The following ARCN1 variants were observed in gnomAD, a reference collection of about 807,000 sequenced individuals.
ARCN1 encodes coatomer subunit delta.
In ARCN1, 5 loss-of-function variants were observed where a neutral mutation model predicts 60.4. The observed-to-expected ratio is 0.08, with a 90% CI of 0.04 to 0.17. The LOEUF (loss-of-function observed/expected upper bound fraction) is 0.17, where lower values mean the gene tolerates loss of function less well. Among genes scored for constraint, ARCN1 ranks in the 10% least tolerant of loss-of-function variants. The probability of loss-of-function intolerance (pLI) is 1.00; values close to 1 mark genes in which losing one functional copy is unlikely to be tolerated. For synonymous variants in ARCN1, 224 were observed against 220.0 expected, an observed-to-expected ratio of 1.02 and a Z score of -0.16; for missense variants, 464 against 626.5, an observed-to-expected ratio of 0.74 and a Z score of 2.77.
intron 1 of ARCN1, among the ~76,000 whole-genome samples, chr11:118,577,232 GTTTC>G (rs746295602): frequency 1.3e-3 from 199 of 151,732 alleles, no homozygotes; most frequent in African/African-American, 4.3e-3. Context: ...TCTAAATTCT[GTTTC>G]TTTCTTTCTT....
chr11:118,578,609 C>T (rs1938577140), intron 1 of ARCN1, among the ~76,000 whole-genome samples: 1 of 152,174 alleles, frequency 6.6e-6, no homozygotes, highest in African/African-American at 2.4e-5. Context: ...TAATATTTCT[C>T]ATCGCATGAG....
intron 2 of ARCN1, among the ~76,000 whole-genome samples, chr11:118,581,854 CT>C (rs1720398498): frequency 6.6e-6 from 1 of 150,964 alleles, no homozygotes; most frequent in Non-Finnish European, 1.5e-5. Context: ...ACACACACCC[CT>C]CTTCTAAGAC....
At chr11:118,583,742 G>T (rs1185106706) in intron 3 of ARCN1, 67 bp from the exon 4 acceptor site, 1 of 1,513,102 alleles carries the variant, frequency 6.6e-7, no homozygotes, top group South Asian at 1.2e-5. Flanking sequence ...CTGGGTCACA[G>T]AGTGAGACCC....
chr11:118,577,926 C>T lies in ARCN1; in HGVS notation c.4-3320C>T, dbSNP rs142935622. Among the ~76,000 whole-genome samples, 1,058 of 152,148 alleles carry T rather than the reference C, an allele frequency of 7.0e-3. 10 individuals are homozygous for T. The highest frequency in any genetic ancestry group is 0.022 in the African/African-American group (934 of 41,516). On this transcript the variant is annotated intron_variant, in intron 1 of 9. Transcript: ENST00000264028. ...AATCCCAACACTTTGGAGGCCAAGG[C>T]GCGCAGATGACTTGAGGCCAGGAGT...
At position 118,590,457 on chromosome 11, in the gene ARCN1, G is replaced by A. The variant is rs138250193; in HGVS notation, c.935G>A (p.Arg312Gln). ...AGGATCTCAGATGACAAGTATGGCC[G>A]AATTCGTCTTCATGTGGAAAATGAA... Reference protein sequence around the residue: ...MLRISDDKYGRIRLHVENEDK... With the variant: ...MLRISDDKYGQIRLHVENEDK... Residue 312 changes from arginine (R) to glutamine (Q), a missense_variant, in exon 6 of 10, where the codon CGA becomes CAA. Coordinates refer to ENST00000264028, the MANE Select transcript of ARCN1 (RefSeq NM_001655.5). The A allele has an allele frequency of 9.4e-4, 1,525 of 1,614,150 alleles. 4 individuals carry two copies. Among genetic ancestry groups the A allele is most frequent in the East Asian group, 9.0e-3 (402 of 44,882 alleles).
rs1459212881 is a variant in ARCN1 at position 118,602,091 on chromosome 11, A to C, written c.*1377A>C. Reference sequence around the variant, plus strand: ...TCTTTGCCAATCCTGTTGGCCCTAAACTATCAAGGAGGCTCCATTTCACCA... The same window carrying C: ...TCTTTGCCAATCCTGTTGGCCCTAACCTATCAAGGAGGCTCCATTTCACCA... On this transcript the variant is annotated 3_prime_UTR_variant, in exon 10 of 10. Transcript: ENST00000264028. 2 of 235,728 alleles carry C rather than the reference A, an allele frequency of 8.5e-6. No individual in the cohort carries two copies. Among genetic ancestry groups the C allele is most frequent in the Non-Finnish European group, 1.7e-5 (2 of 119,978 alleles). 14.6% of individuals were successfully genotyped at this position (235,728 alleles called of 1,614,324 possible).
chr11:118,581,349 T>C lies in ARCN1; in HGVS notation c.107T>C (p.Phe36Ser), dbSNP rs782724596. ...CGGATTGAGGGCTTATTAGCAGCTT[T>C]TCCAAAGCTCATGAACACTGGAAAA... is the stretch of plus-strand genomic sequence containing the variant. ...RTRIEGLLAA[F>S]PKLMNTGKQH... Residue 36 changes from phenylalanine (F) to serine (S), a missense_variant, in exon 2 of 10, where the codon TTT (phenylalanine) becomes TCT (serine). By Grantham distance (155) the Phe-to-Ser change is radical. Coordinates refer to ENST00000264028, the MANE Select transcript of ARCN1 (RefSeq NM_001655.5). 3.7e-6 allele frequency: 6 copies of C among 1,614,218 alleles called. No individual in the cohort carries two copies. The highest frequency in any genetic ancestry group is 5.1e-6 in the Non-Finnish European group (6 of 1,180,050).
intron 2 of ARCN1, among the ~76,000 whole-genome samples, chr11:118,582,143 CT>C (rs1276325016): frequency 2.7e-5 from 4 of 149,084 alleles, no homozygotes; most frequent in South Asian, 2.1e-4. Flanking sequence ...GACCCTGATT[CT>C]TTTTTTTTTA....
rs1555073384 is a variant in ARCN1, at chr11:118,575,574, T to C, written c.3+3024T>C. 1.3e-5 allele frequency among the ~76,000 whole-genome samples: 2 copies of C among 152,204 alleles called. 1 individual carries two copies. Among genetic ancestry groups the C allele is most frequent in the African/African-American group, 4.8e-5 (2 of 41,454 alleles). The stretch of plus-strand genomic sequence containing the variant: ...GTAATCTTCTCTCTGATTTTATCTA[T>C]AATAGCTTCATATAAATAGAAAAGA... On this transcript the variant is annotated intron_variant, in intron 1 of 9. Transcript: ENST00000264028.
chr11:118,576,440 A>AAC (rs1555073646), intron 1 of ARCN1, among the ~76,000 whole-genome samples: 5 of 147,198 alleles, frequency 3.4e-5, no homozygotes, highest in East Asian at 4.7e-4. Context: ...AAAAAAAAAA[A>AAC]AAAAAAAAAC....
At chr11:118,597,659 A>G (rs1276927746) in intron 8 of ARCN1, 48 bp from the exon 9 acceptor site, 17 of 1,591,078 alleles carry the variant, frequency 1.1e-5, no homozygotes, top group Non-Finnish European at 1.5e-5. Context: ...TCCGTGGTGG[A>G]GTTCTAGCTC....
chr11:118,572,609 C>A, intron 1 of ARCN1, 59 bp downstream of exon 1: 1 of 1,581,676 alleles, frequency 6.3e-7, no homozygotes, highest in Non-Finnish European at 8.6e-7. Context: ...CTCTCCTTGT[C>A]GGCGGGCCTG....
In ARCN1 at chr11:118,583,904, AGGATTTGGC is replaced by A; in HGVS notation, c.553_561del (p.Gly185_Gly187del). The A allele has an allele frequency of 6.2e-7, 1 of 1,614,266 alleles. No individual in the cohort carries two copies. On this transcript the variant is annotated inframe_deletion, in exon 4 of 10. Coordinates refer to ENST00000264028, the MANE Select transcript of ARCN1 (RefSeq NM_001655.5). ...CAGAGAGACAGGGCAAAAAAGCACCAGGATTTGGCGGATTTGGCAGCTCTGCAGTATCTG... is the reference window on the plus strand; with the variant it reads ...CAGAGAGACAGGGCAAAAAAGCACCAGGATTTGGCAGCTCTGCAGTATCTG...
intron 7 of ARCN1, among the ~76,000 whole-genome samples, chr11:118,593,199 G>T (rs1266240122): frequency 6.6e-6 from 1 of 151,608 alleles, no homozygotes; most frequent in East Asian, 1.9e-4. Context: ...TAGTAGCTGG[G>T]ACTAGGACTA....
intron 2 of ARCN1, among the ~76,000 whole-genome samples, chr11:118,582,284 A>G (rs542857512): frequency 1.3e-5 from 2 of 152,280 alleles, no homozygotes; most frequent in Admixed American, 1.3e-4. Context: ...TTGAGATTAC[A>G]GATGTGCATC....
chr11:118,587,833 C>G (rs980199386), intron 5 of ARCN1, among the ~76,000 whole-genome samples: 3 of 152,220 alleles, frequency 2.0e-5, no homozygotes, highest in African/African-American at 7.2e-5. Context: ...TGGCCTCCCA[C>G]GACCCCCTCT....
At chr11:118,574,821 C>T (rs1938448216) in intron 1 of ARCN1, among the ~76,000 whole-genome samples, 1 of 151,852 alleles carries the variant, frequency 6.6e-6, no homozygotes, top group African/African-American at 2.4e-5. Flanking sequence ...AGTAGCTATT[C>T]ACAGGCGCTA....
rs35189263 is a variant in ARCN1 at position 118,583,597 on chromosome 11, TA to T, written c.448-202del. ...AGTGAGACCCTGTCTCTATAAAAAGTAAAAAAAAAATTAGCCAGGCATGGTA... is the reference window on the plus strand; with the variant it reads ...AGTGAGACCCTGTCTCTATAAAAAGTAAAAAAAAATTAGCCAGGCATGGTA... On this transcript the variant is annotated intron_variant, in intron 3 of 9. Transcript: ENST00000264028. 2.2e-4 allele frequency among the ~76,000 whole-genome samples: 33 copies of T among 148,342 alleles called. No individual in the cohort carries two copies. The South Asian group carries it at 5.6e-3, about 25-fold the overall frequency.
chr11:118,578,931 C>T (rs1352710194), intron 1 of ARCN1, among the ~76,000 whole-genome samples: 1 of 120,470 alleles, frequency 8.3e-6, no homozygotes, highest in Non-Finnish European at 1.7e-5. Flanking sequence ...AATCCATTAC[C>T]TTGAAGTGGC....
Sources: allele counts gnomAD v4.1 joint callset (sites outside exome capture counted in the v4.1 genomes callset), GRCh38; gene constraint gnomAD v4.1.1; transcripts MANE v1.5; gene names NCBI Gene and HGNC (gene_info 2026-07-23, HGNC 2026-07-21).